Variants in RFWD3 observed in about 807,000 individuals in gnomAD.
The protein encoded by RFWD3 is E3 ubiquitin-protein ligase RFWD3.
In RFWD3, 65 loss-of-function variants were observed where a neutral mutation model predicts 87.7. The observed-to-expected ratio is 0.74, with a 90% CI of 0.61 to 0.91. The LOEUF is 0.91. Among genes scored for constraint, RFWD3 ranks in the 40% least tolerant of loss-of-function variants. The probability of loss-of-function intolerance (pLI) is 0.00; values close to 1 mark genes in which losing one functional copy is unlikely to be tolerated. For missense variants in RFWD3, 1,078 were observed against 938.5 expected (o/e 1.15, Z -1.94); for synonymous variants, 433 against 352.8 (o/e 1.23, Z -2.55).
intron 2 of RFWD3, among the ~76,000 whole-genome samples, chr16:74,658,426 T>G (rs1467085986): frequency 6.6e-6 from 1 of 152,244 alleles, no homozygotes; most frequent in Non-Finnish European, 1.5e-5. Context: ...GCTTCTTGGC[T>G]GACTGTGAGT....
chr16:74,662,415 G>A (rs1210034481), intron 1 of RFWD3, among the ~76,000 whole-genome samples: 1 of 152,064 alleles, frequency 6.6e-6, no homozygotes, highest in African/African-American at 2.4e-5. Flanking sequence ...CACCCTAGAG[G>A]CAAAAACAGA....
At chr16:74,630,393 C>A (rs1224599527) in intron 10 of RFWD3, among the ~76,000 whole-genome samples, 1 of 152,180 alleles carries the variant, frequency 6.6e-6, no homozygotes, top group Non-Finnish European at 1.5e-5. Flanking sequence ...CCACCGCACC[C>A]AGCGACATGT....
chr16:74,626,502 C>T lies in RFWD3; in HGVS notation c.2022G>A (p.Leu674=), dbSNP rs773644975. ...AGCAGATTGGATTTCCAGTGTCATCCAGTCGGTAGGACATTTCCATCAGCA... is the reference window on the plus strand; with the variant it reads ...AGCAGATTGGATTTCCAGTGTCATCTAGTCGGTAGGACATTTCCATCAGCA... The part of the protein sequence containing the change: ...RSVLMEMSYR[L]DDTGNPICSC... Residue 674 remains leucine, a synonymous_variant, in exon 12 of 13, where the codon CTG becomes CTA. Coordinates refer to ENST00000361070, the MANE Select transcript of RFWD3 (RefSeq NM_018124.4). The T allele has an allele frequency of 2.5e-6, 4 of 1,613,984 alleles. No homozygotes were observed. Among genetic ancestry groups the T allele is most frequent in the Non-Finnish European group, 3.4e-6 (4 of 1,180,028 alleles).
Position 74,626,302 on chromosome 16 carries a change from A to C in RFWD3, c.2181+41T>G, listed in dbSNP as rs757845409. 5.1e-6 allele frequency: 8 copies of C among 1,580,500 alleles called. No homozygotes were observed. In the Admixed American group the frequency reaches 1.2e-4, roughly 23 times the overall value. Reference sequence around the variant, plus strand: ...TTTTCCCTTACCAATATTTTAAGCAAAACTACTTTTTATATGAAAGTAAAA... The same window carrying C: ...TTTTCCCTTACCAATATTTTAAGCACAACTACTTTTTATATGAAAGTAAAA... On this transcript the variant is annotated intron_variant, in intron 12 of 12. Coordinates refer to ENST00000361070, the MANE Select transcript of RFWD3 (RefSeq NM_018124.4).
intron 2 of RFWD3, among the ~76,000 whole-genome samples, chr16:74,653,856 A>T (rs1597450248): frequency 6.6e-6 from 1 of 152,348 alleles, no homozygotes; most frequent in East Asian, 1.9e-4. Context: ...ACTAGAACAA[A>T]ATAAACACTA....
intron 3 of RFWD3, 84 bp downstream of exon 3, chr16:74,651,836 A>T: frequency 8.1e-7 from 1 of 1,229,084 alleles, no homozygotes; most frequent in African/African-American, 1.5e-5. Context: ...AAAGTGTCAA[A>T]GCACAAATCT....
intron 6 of RFWD3, among the ~76,000 whole-genome samples, chr16:74,639,291 G>A (rs1959430626): frequency 6.6e-6 from 1 of 152,186 alleles, no homozygotes; most frequent in Non-Finnish European, 1.5e-5. Context: ...ACCTGCCTCA[G>A]CCTCCCAAAG....
At chr16:74,647,077 A>G (rs1258268209) in intron 4 of RFWD3, among the ~76,000 whole-genome samples, 4 of 150,752 alleles carry the variant, frequency 2.7e-5, no homozygotes, top group Non-Finnish European at 5.9e-5. Context: ...ACAGAGCGAC[A>G]CTCGTCTCAA....
At chr16:74,664,726 G>A (rs1427247656) in intron 1 of RFWD3, 2 of 150,524 alleles carry the variant, frequency 1.3e-5, no homozygotes, top group Non-Finnish European at 2.9e-5. Flanking sequence ...TCCAGACCGG[G>A]AGAGAGAGTA....
chr16:74,624,116 A>T (rs1421731206), intron 12 of RFWD3, 45 bp from the exon 13 acceptor site: 6 of 1,589,932 alleles, frequency 3.8e-6, no homozygotes, highest in East Asian at 2.3e-5. Flanking sequence ...CAGTCAGTAC[A>T]CGAAGGGACT....
chr16:74,641,709 G>A (rs906317614), intron 6 of RFWD3, among the ~76,000 whole-genome samples: 4 of 151,794 alleles, frequency 2.6e-5, no homozygotes, highest in Non-Finnish European at 5.9e-5. Flanking sequence ...CTGATCACGA[G>A]GTCAGGAGTT....
intron 1 of RFWD3, chr16:74,664,509 G>C (rs937234547): frequency 2.0e-5 from 3 of 152,158 alleles, no homozygotes; most frequent in African/African-American, 7.2e-5. Flanking sequence ...CCAGCACTTT[G>C]GGAGACTGAG....
intron 6 of RFWD3, chr16:74,644,035 C>T: frequency 2.7e-6 from 1 of 366,244 alleles, no homozygotes; most frequent in Non-Finnish European, 5.2e-6. Flanking sequence ...ACTGCATGTG[C>T]AAAGCTTCAC....
intron 10 of RFWD3, among the ~76,000 whole-genome samples, chr16:74,629,943 T>C (rs1959040413): frequency 6.6e-6 from 1 of 152,240 alleles, no homozygotes; most frequent in South Asian, 2.1e-4. Context: ...GGGCTCACTT[T>C]ATAAACTTCT....
Position 74,637,930 on chromosome 16 carries a change from A to C in RFWD3, c.1120T>G (p.Leu374Val), listed in dbSNP as rs1959290134. 1 of 1,612,244 alleles carries C rather than the reference A, an allele frequency of 6.2e-7. No individual in the cohort carries two copies. Among genetic ancestry groups the C allele is most frequent in the South Asian group, 1.1e-5 (1 of 90,878 alleles). The stretch of plus-strand genomic sequence containing the variant: ...TGGAGTCGGCACTGTGCTGATTCTA[A>C]CTCGGCCTGTTTCCTTAGCATCTGT... The part of the protein sequence containing the change: ...KEQMLRKQAE[L>V]ESAQCRLQLQ... The change falls in exon 7 of 13, where the codon TTA (leucine) becomes GTA (valine). Residue 374 changes from leucine to valine, a missense_variant. By Grantham distance (32) the Leu-to-Val change is conservative (BLOSUM62 1). Transcript: ENST00000361070.
Position 74,626,490 on chromosome 16 carries a change from T to G in RFWD3, c.2034A>C (p.Gly678=). 6.2e-7 allele frequency: 1 copy of G among 1,614,132 alleles called. No homozygotes were observed. Among genetic ancestry groups the G allele is most frequent in the Non-Finnish European group, 8.5e-7 (1 of 1,180,008 alleles). The part of the protein sequence containing the change: ...MEMSYRLDDT[G]NPICSCQPVH... The stretch of plus-strand genomic sequence containing the variant: ...CAGGCTGGCAGGAGCAGATTGGATT[T>G]CCAGTGTCATCCAGTCGGTAGGACA... The change falls in exon 12 of 13, where the codon GGA becomes GGC. Residue 678 remains glycine, a synonymous_variant. Coordinates refer to ENST00000361070, the MANE Select transcript of RFWD3 (RefSeq NM_018124.4).
intron 2 of RFWD3, among the ~76,000 whole-genome samples, chr16:74,654,904 C>T (rs767181706): frequency 6.6e-6 from 1 of 152,156 alleles, no homozygotes; most frequent in Non-Finnish European, 1.5e-5. Flanking sequence ...CTCTTTAATT[C>T]TGTGAAAGCT....
At chr16:74,632,437 G>A (rs779319807) in intron 9 of RFWD3, 86 bp downstream of exon 9, 1 of 1,431,914 alleles carries the variant, frequency 7.0e-7, no homozygotes, top group Non-Finnish European at 9.7e-7. Flanking sequence ...AAAAAACAGA[G>A]CTAAGGTCAT....
intron 6 of RFWD3, among the ~76,000 whole-genome samples, chr16:74,643,757 G>A (rs533179701): frequency 5.0e-5 from 7 of 139,514 alleles, no homozygotes; most frequent in Non-Finnish European, 1.1e-4. Context: ...CTCACTGCAA[G>A]CTCTGCCTCA....
Sources: allele counts gnomAD v4.1 joint callset (sites outside exome capture counted in the v4.1 genomes callset), GRCh38; gene constraint gnomAD v4.1.1; transcripts MANE v1.5; gene names NCBI Gene and HGNC (gene_info 2026-07-23, HGNC 2026-07-21).